Variants in ANP32A observed in about 807,000 individuals in gnomAD.
The protein encoded by ANP32A is acidic leucine-rich nuclear phosphoprotein 32 family member A.
In ANP32A, 1 loss-of-function variant was observed where a neutral mutation model predicts 33.9. The observed-to-expected ratio is 0.03, with a 90% CI of 0.01 to 0.14. The LOEUF (loss-of-function observed/expected upper bound fraction) is 0.14, where lower values mean the gene tolerates loss of function less well. ANP32A is among the 10% of genes least tolerant of loss of function. ANP32A has a pLI of 1.00. For synonymous variants in ANP32A, 115 were observed against 120.5 expected, an observed-to-expected ratio of 0.95 and a Z score of 0.30; for missense variants, 155 against 306.0, an observed-to-expected ratio of 0.51 and a Z score of 3.68.
chr15:68,788,673 A>G (rs995311617), intron 1 of ANP32A, among the ~76,000 whole-genome samples: 4 of 152,204 alleles, frequency 2.6e-5, no homozygotes, highest in Admixed American at 6.5e-5. Flanking sequence ...GGTAACTACT[A>G]TATTGGATAG....
intron 4 of ANP32A, 169 bp downstream of exon 4, chr15:68,784,228 T>C (rs1893904779): frequency 2.8e-6 from 2 of 705,640 alleles, no homozygotes. Flanking sequence ...CAGACAGCCC[T>C]ACTCCCCTCC....
chr15:68,782,415 G>A (rs1051890021), intron 5 of ANP32A, among the ~76,000 whole-genome samples: 1 of 152,186 alleles, frequency 6.6e-6, no homozygotes, highest in Non-Finnish European at 1.5e-5. Context: ...CACAGCTTGC[G>A]AGTGGTAGAG....
In ANP32A at chr15:68,780,007, A is replaced by C. The variant is rs1411422135; in HGVS notation, c.*74T>G. 1 of 1,060,768 alleles carries C rather than the reference A, an allele frequency of 9.4e-7. No individual in the cohort carries two copies. The highest frequency in any genetic ancestry group is 1.3e-6 in the Non-Finnish European group (1 of 766,012). 65.7% of individuals were successfully genotyped at this position (1,060,768 alleles called of 1,614,324 possible). A position where few individuals can be genotyped will look rare whatever the true frequency, so the allele number is the denominator to read the frequency against. ...AATAAGTTTCAGGGGGCAGGATTGG[A>C]GGGGGGGGGGAGAGGGGATATGGGT... On this transcript the variant is annotated 3_prime_UTR_variant, in exon 7 of 7. Transcript: ENST00000465139. The surrounding 1 kb of genome is among the most constrained non-coding windows in gnomAD (Gnocchi z 4.3).
chr15:68,802,916 A>G lies in ANP32A; in HGVS notation c.55-14997T>C, dbSNP rs573628467. Among the ~76,000 whole-genome samples the G allele has an allele frequency of 2.6e-5, 4 of 152,302 alleles. No individual in the cohort carries two copies. The East Asian group carries it at 7.7e-4, about 29-fold the overall frequency. ...TGATCCACCCACCTTGGCCTCCCAA[A>G]GTGCTGGGATTACAGACGTGAGCCA... On this transcript the variant is annotated intron_variant, in intron 1 of 6. Coordinates refer to ENST00000465139, the MANE Select transcript of ANP32A (RefSeq NM_006305.4).
rs1160503154 is a variant in ANP32A, at chr15:68,787,474, T to C, written c.266A>G (p.Asn89Ser). The change falls in exon 3 of 7, where the codon AAC becomes AGC. Residue 89 changes from asparagine to serine, a missense_variant. Physicochemically the swap from Asn to Ser is conservative, Grantham distance 46. This residue lies in a region of ANP32A where 85 missense variants were observed against 183.8 expected (regional missense o/e 0.46). Transcript: ENST00000465139. ...GLEVLAEKCP[N>S]LTHLNLSGNK... ...GCCACTTAAATTTAGATGCGTGAGG[T>C]TCGGACACTTTTCTGCCAATACTTC... 6.2e-7 allele frequency: 1 copy of C among 1,614,106 alleles called. No homozygotes were observed. Among genetic ancestry groups the C allele is most frequent in the South Asian group, 1.1e-5 (1 of 91,090 alleles).
chr15:68,809,893 G>A (rs932539470), intron 1 of ANP32A, among the ~76,000 whole-genome samples: 17 of 152,216 alleles, frequency 1.1e-4, no homozygotes, highest in African/African-American at 3.1e-4. Flanking sequence ...CCCTCAAATC[G>A]TGCAGTGCAC....
chr15:68,784,701 A>C, intron 3 of ANP32A, 106 bp from the exon 4 acceptor site: 1 of 1,286,524 alleles, frequency 7.8e-7, no homozygotes, highest in Admixed American at 2.0e-5. Context: ...TGCGCAGACC[A>C]TGACTTCCAG....
intron 1 of ANP32A, among the ~76,000 whole-genome samples, chr15:68,789,072 G>A (rs1188212724): frequency 6.6e-6 from 1 of 152,188 alleles, no homozygotes; most frequent in Non-Finnish European, 1.5e-5. Flanking sequence ...CCAGGCAGCT[G>A]GCCCAGAGTT....
At chr15:68,782,675 T>A in intron 5 of ANP32A, 1 of 462,670 alleles carries the variant, frequency 2.2e-6, no homozygotes, top group East Asian at 3.9e-5. Flanking sequence ...ATTCTGTACT[T>A]CTTCACATAG....
intron 1 of ANP32A, among the ~76,000 whole-genome samples, chr15:68,810,320 C>T (rs1299375962): frequency 6.6e-6 from 1 of 152,108 alleles, no homozygotes; most frequent in Non-Finnish European, 1.5e-5. Flanking sequence ...TTCAAGAAGA[C>T]TAGACTATGA....
chr15:68,811,131 C>T (rs1178070028), intron 1 of ANP32A, among the ~76,000 whole-genome samples: 1 of 150,088 alleles, frequency 6.7e-6, no homozygotes, highest in African/African-American at 2.5e-5. Context: ...GAAATGAAGG[C>T]TGTTGGGATT....
intron 5 of ANP32A, chr15:68,782,741 C>T: frequency 1.2e-6 from 1 of 818,742 alleles, no homozygotes; most frequent in South Asian, 2.0e-5. Flanking sequence ...AAATCCTCTT[C>T]CCCTCTTCTA....
At chr15:68,812,621 G>A (rs1458487426) in intron 1 of ANP32A, among the ~76,000 whole-genome samples, 5 of 152,170 alleles carry the variant, frequency 3.3e-5, no homozygotes, top group Non-Finnish European at 7.4e-5. Flanking sequence ...AAAACTACAA[G>A]TATTGAGTAT....
chr15:68,784,635 G>A, intron 3 of ANP32A, 40 bp from the exon 4 acceptor site: 1 of 1,608,756 alleles, frequency 6.2e-7, no homozygotes, highest in Non-Finnish European at 8.5e-7. Context: ...AGTGATTTGT[G>A]GGAGGAAGGT....
chr15:68,783,075 C>T (rs200938611), intron 4 of ANP32A, 22 bp from the exon 5 acceptor site: 168 of 1,551,430 alleles, frequency 1.1e-4, no homozygotes, highest in Middle Eastern at 1.7e-4. Flanking sequence ...AAATGGGGAA[C>T]GGAAACAGAA....
intron 1 of ANP32A, among the ~76,000 whole-genome samples, chr15:68,807,210 C>G (rs1333275308): frequency 6.6e-6 from 1 of 152,198 alleles, no homozygotes; most frequent in Non-Finnish European, 1.5e-5. Context: ...AAAAGGGGAC[C>G]TCTCAGGAGC....
rs1311351108 is a variant in ANP32A, at chr15:68,782,938, C to A, written c.624+18G>T. On this transcript the variant is annotated intron_variant, in intron 5 of 6. Transcript: ENST00000465139. ...TCAAAGGGGCAGACGGTGGCCCTGCCCAGCCCAGCCTCCTTACCTCCTCCT... is the reference window on the plus strand; with the variant it reads ...TCAAAGGGGCAGACGGTGGCCCTGCACAGCCCAGCCTCCTTACCTCCTCCT... 1 of 1,551,444 alleles carries A rather than the reference C, an allele frequency of 6.4e-7. No homozygotes were observed. The highest frequency in any genetic ancestry group is 2.0e-5 in the Admixed American group (1 of 51,000).
Position 68,794,085 on chromosome 15 carries a change from G to A in ANP32A, c.55-6166C>T, listed in dbSNP as rs187075149. ...TTTCTGAGCTTCCGTTTCCTTTAGTGACTATAATGTCCATCACCTAGGGTT... is the reference window on the plus strand; with the variant it reads ...TTTCTGAGCTTCCGTTTCCTTTAGTAACTATAATGTCCATCACCTAGGGTT... On this transcript the variant is annotated intron_variant, in intron 1 of 6. Transcript: ENST00000465139. Among the ~76,000 whole-genome samples the A allele has an allele frequency of 2.2e-4, 33 of 152,292 alleles. No homozygotes were observed. In the East Asian group the frequency reaches 6.2e-3, roughly 28 times the overall value.
Position 68,820,854 on chromosome 15 carries a change from C to A in ANP32A, c.-103G>T. ...TTTAGGACTTTGAAGGCTCAACCAG[C>A]TCCGCTCGGTTCTCGAGCCCCCAGC... On this transcript the variant is annotated 5_prime_UTR_variant, in exon 1 of 7. Coordinates refer to ENST00000465139, the MANE Select transcript of ANP32A (RefSeq NM_006305.4). 3 of 1,409,560 alleles carry A rather than the reference C, an allele frequency of 2.1e-6. No homozygotes were observed. The highest frequency in any genetic ancestry group is 3.0e-6 in the Non-Finnish European group (3 of 1,008,700). 87.3% of individuals were successfully genotyped at this position (1,409,560 alleles called of 1,614,324 possible). A position where few individuals can be genotyped will look rare whatever the true frequency, so the allele number is the denominator to read the frequency against.
Sources: gnomAD v4.1 joint callset for allele counts (sites outside exome capture counted in the v4.1 genomes callset) on GRCh38, gnomAD v4.1.1 for gene constraint, gnomAD v4.1.1 regional missense constraint, Gnocchi (gnomAD v3.1) non-coding constraint, MANE v1.5 for transcripts, NCBI Gene and HGNC (gene_info 2026-07-23, HGNC 2026-07-21) for gene names.